The following ADAMTS17 variants were observed in gnomAD, a reference collection of about 807,000 sequenced individuals.
The protein encoded by ADAMTS17 is ADAM metallopeptidase with thrombospondin type 1 motif 17.
A neutral mutation model predicts 141.5 loss-of-function variants in ADAMTS17; 113 were observed. That is an observed-to-expected ratio of 0.80 (90% CI 0.69 to 0.93). ADAMTS17 has a LOEUF of 0.93. ADAMTS17 is among the 40% of genes least tolerant of loss of function. The probability of loss-of-function intolerance (pLI) is 0.00; values close to 1 mark genes in which losing one functional copy is unlikely to be tolerated. For missense variants in ADAMTS17, 1,659 were observed against 1,517.9 expected, an observed-to-expected ratio of 1.09 and a Z score of -1.54; for synonymous variants, 768 against 630.6, an observed-to-expected ratio of 1.22 and a Z score of -3.27.
chr15:100,010,140 G>A (rs2061132664), intron 18 of ADAMTS17, among the ~76,000 whole-genome samples: 1 of 152,142 alleles, frequency 6.6e-6, no homozygotes, highest in African/African-American at 2.4e-5. Flanking sequence ...GTTCTCTTTT[G>A]GCTTCTGCCA....
intron 7 of ADAMTS17, among the ~76,000 whole-genome samples, chr15:100,243,829 GAAACAAAACA>G (rs1311577305): frequency 1.4e-5 from 1 of 72,876 alleles, no homozygotes; most frequent in Admixed American, 1.3e-4. Context: ...GAAATGAAAT[GAAACAAAACA>G]AAATGAAAGT....
At chr15:100,126,639 C>T (rs964673506) in intron 12 of ADAMTS17, among the ~76,000 whole-genome samples, 8 of 152,152 alleles carry the variant, frequency 5.3e-5, no homozygotes, top group African/African-American at 1.4e-4. Context: ...TTGGCCTAAT[C>T]GTTTATGATC....
intron 12 of ADAMTS17, chr15:100,128,432 AAC>A (rs1211858844): frequency 6.6e-5 from 10 of 152,192 alleles, no homozygotes; most frequent in African/African-American, 2.4e-4. Flanking sequence ...GCTGCTGGAC[AAC>A]AGAGATTGGA....
intron 3 of ADAMTS17, among the ~76,000 whole-genome samples, chr15:100,308,488 T>C (rs1008101921): frequency 2.6e-5 from 4 of 152,186 alleles, no homozygotes; most frequent in African/African-American, 9.7e-5. Flanking sequence ...ATAACAAGAT[T>C]CTTGCTACAA....
chr15:100,217,984 C>A (rs1428509578), intron 7 of ADAMTS17, among the ~76,000 whole-genome samples: 1 of 152,180 alleles, frequency 6.6e-6, no homozygotes, highest in East Asian at 1.9e-4. Context: ...GGGCTCAGGG[C>A]ATCCTCCCAC....
chr15:100,141,883 C>G (rs934642529), intron 10 of ADAMTS17, among the ~76,000 whole-genome samples: 3 of 152,232 alleles, frequency 2.0e-5, no homozygotes, highest in African/African-American at 7.2e-5. Context: ...ACAGGCAGGA[C>G]AGCTTTCAGC....
At chr15:100,147,095 G>A (rs541972312) in intron 10 of ADAMTS17, among the ~76,000 whole-genome samples, 14 of 151,832 alleles carry the variant, frequency 9.2e-5, no homozygotes, top group South Asian at 8.3e-4. Context: ...ACACCTATTC[G>A]CACACTCCCT....
At chr15:100,021,330 T>C (rs1460924960) in intron 18 of ADAMTS17, among the ~76,000 whole-genome samples, 1 of 152,150 alleles carries the variant, frequency 6.6e-6, no homozygotes, top group Non-Finnish European at 1.5e-5. Context: ...GGCGTCATCT[T>C]GGACTGCTCT....
At chr15:100,268,207 G>A (rs2043787460) in intron 4 of ADAMTS17, among the ~76,000 whole-genome samples, 1 of 152,126 alleles carries the variant, frequency 6.6e-6, no homozygotes, top group Non-Finnish European at 1.5e-5. Context: ...CCACTGATGG[G>A]CATCTAGGTT....
chr15:100,258,617 C>G (rs1005007891), intron 6 of ADAMTS17, among the ~76,000 whole-genome samples: 1 of 151,852 alleles, frequency 6.6e-6, no homozygotes, highest in South Asian at 2.1e-4. Flanking sequence ...GACTTCTTCA[C>G]GATCCCGAGA....
At chr15:100,067,487 A>G (rs939105710) in intron 15 of ADAMTS17, among the ~76,000 whole-genome samples, 11 of 152,230 alleles carry the variant, frequency 7.2e-5, no homozygotes, top group Non-Finnish European at 1.3e-4. Flanking sequence ...TTTACCTTTA[A>G]CGTCTAAGAA....
At chr15:100,335,253 G>A (rs2046173900) in intron 2 of ADAMTS17, among the ~76,000 whole-genome samples, 1 of 152,102 alleles carries the variant, frequency 6.6e-6, no homozygotes, top group South Asian at 2.1e-4. Flanking sequence ...CCTTCGGTTG[G>A]CACCCAGAGA....
intron 8 of ADAMTS17, among the ~76,000 whole-genome samples, chr15:100,193,201 T>C (rs2040983465): frequency 6.6e-6 from 1 of 152,374 alleles, no homozygotes; most frequent in African/African-American, 2.4e-5. Context: ...CCCGGCCCAT[T>C]ATTCCAGTGG....
intron 18 of ADAMTS17, among the ~76,000 whole-genome samples, chr15:100,042,636 G>A (rs2031348733): frequency 6.6e-6 from 1 of 152,158 alleles, no homozygotes. Context: ...CCAATATTAA[G>A]TAAAACGCAA....
At chr15:99,996,576 A>C (rs1039339681) in intron 19 of ADAMTS17, among the ~76,000 whole-genome samples, 2 of 152,276 alleles carry the variant, frequency 1.3e-5, no homozygotes, top group African/African-American at 2.4e-5. Context: ...CCTTTGTTTT[A>C]GAGCAGCCAA....
At chr15:100,061,260 A>G (rs1249340706) in intron 15 of ADAMTS17, among the ~76,000 whole-genome samples, 1 of 152,162 alleles carries the variant, frequency 6.6e-6, no homozygotes, top group Non-Finnish European at 1.5e-5. Context: ...ACGGCAGCGA[A>G]ATCAGAGGAG....
At chr15:100,072,616 A>G (rs2034060372) in intron 15 of ADAMTS17, among the ~76,000 whole-genome samples, 1 of 152,238 alleles carries the variant, frequency 6.6e-6, no homozygotes, top group African/African-American at 2.4e-5. Flanking sequence ...ATCTACAGCC[A>G]TCTGATCTTT....
At chr15:100,261,929 G>C (rs1338719372) in intron 5 of ADAMTS17, among the ~76,000 whole-genome samples, 2 of 152,188 alleles carry the variant, frequency 1.3e-5, no homozygotes, top group African/African-American at 4.8e-5. Flanking sequence ...TCAGTCTCAT[G>C]GTGGTGGCTT....
At chr15:100,131,363 T>C (rs1292761695) in intron 12 of ADAMTS17, among the ~76,000 whole-genome samples, 1 of 32,914 alleles carries the variant, frequency 3.0e-5, no homozygotes, top group Non-Finnish European at 6.9e-5. Context: ...GAACTTAAAG[T>C]ATGAAAAAAA....
Sources: allele counts gnomAD v4.1 joint callset (sites outside exome capture counted in the v4.1 genomes callset), GRCh38; gene constraint gnomAD v4.1.1; transcripts MANE v1.5; gene names NCBI Gene and HGNC (gene_info 2026-07-23, HGNC 2026-07-21).